LPCAT1: variants seen among roughly 807,000 people sequenced by gnomAD.
The protein encoded by LPCAT1 is lysophosphatidylcholine acyltransferase 1.
LPCAT1 carries 23 observed loss-of-function variants against 60.9 expected under a neutral mutation model. That is an observed-to-expected ratio of 0.38 (90% confidence interval 0.27 to 0.53). LPCAT1 has a LOEUF of 0.53. Ranked by LOEUF, LPCAT1 falls within the 20% of genes least tolerant of loss-of-function variation. The probability of loss-of-function intolerance (pLI) is 0.82; values close to 1 mark genes in which losing one functional copy is unlikely to be tolerated. For synonymous variants in LPCAT1, 340 were observed against 301.1 expected, an observed-to-expected ratio of 1.13 and a Z score of -1.34; for missense variants, 622 against 723.6, an observed-to-expected ratio of 0.86 and a Z score of 1.61.
chr5:1,466,888 C>A lies in LPCAT1; in HGVS notation c.1281G>T (p.Met427Ile), dbSNP rs766712143. Residue 427 changes from methionine (M) to isoleucine (I), a missense_variant and splice_region_variant, in exon 13 of 14, where the codon ATG (methionine) becomes ATT (isoleucine). Physicochemically the swap from Met to Ile is conservative, Grantham distance 10. Coordinates refer to ENST00000283415, the MANE Select transcript of LPCAT1 (RefSeq NM_024830.5). ...TLDTIQLAFK[M>I]YGAQEDGSVG... Reference sequence around the variant, plus strand: ...CGCTGCCGTCCTCTTGCGCTCCGTACATCTGCAAGGCAAACTGGGTGTCAC... The same window carrying A: ...CGCTGCCGTCCTCTTGCGCTCCGTAAATCTGCAAGGCAAACTGGGTGTCAC... 2.2e-5 allele frequency: 35 copies of A among 1,585,994 alleles called. No homozygotes were observed. Among genetic ancestry groups the A allele is most frequent in the Non-Finnish European group, 2.8e-5 (32 of 1,163,218 alleles).
chr5:1,501,426 C>T (rs371670880), intron 2 of LPCAT1, 35 bp downstream of exon 2: 5 of 1,580,202 alleles, frequency 3.2e-6, no homozygotes, highest in African/African-American at 1.3e-5. Context: ...CGTGACCCCC[C>T]CCCAGGAGGA....
chr5:1,475,955 G>C (rs1734897989), intron 9 of LPCAT1, among the ~76,000 whole-genome samples: 1 of 152,220 alleles, frequency 6.6e-6, no homozygotes, highest in African/African-American at 2.4e-5. Flanking sequence ...GGGTTTTGCT[G>C]ACGGTGGCAG....
chr5:1,471,012 A>ATTT, intron 11 of LPCAT1, 88 bp from the exon 12 acceptor site: 1 of 1,023,728 alleles, frequency 9.8e-7, no homozygotes, highest in Non-Finnish European at 1.5e-6. Flanking sequence ...GGTGTTAATT[A>ATTT]AAGGCCAGTC....
rs773388836 is a variant in LPCAT1 at position 1,483,274 on chromosome 5, C to T, written c.726+154G>A. ...CCCGGGCCTGTCCTGCCCTCTCCAG[C>T]GCTGAGGCCGGATGGACTCAGCATG... is the stretch of plus-strand genomic sequence containing the variant. On this transcript the variant is annotated intron_variant, in intron 6 of 13. Transcript: ENST00000283415. This position sits in a 1 kb window ranked among gnomAD's most constrained non-coding sequence, Gnocchi z 9.2. 2.0e-5 allele frequency among the ~76,000 whole-genome samples: 3 copies of T among 152,148 alleles called. No individual in the cohort carries two copies. Among genetic ancestry groups the T allele is most frequent in the South Asian group, 2.1e-4 (1 of 4,832 alleles).
In LPCAT1 at chr5:1,505,843, C is replaced by T. The variant is rs143738034; in HGVS notation, c.136-4240G>A. The stretch of plus-strand genomic sequence containing the variant: ...GCACGGGGAGGACTGTGTGAACAAG[C>T]GACCCTCTGCACCAGCTCCTTCCTC... On this transcript the variant is annotated intron_variant, in intron 1 of 13. Coordinates refer to ENST00000283415, the MANE Select transcript of LPCAT1 (RefSeq NM_024830.5). 5.3e-5 allele frequency among the ~76,000 whole-genome samples: 8 copies of T among 152,334 alleles called. No individual in the cohort carries two copies. The East Asian group carries it at 1.2e-3, about 22-fold the overall frequency.
rs559891820 is a variant in LPCAT1, at chr5:1,483,145, T to C, written c.726+283A>G. Among the ~76,000 whole-genome samples, 2 of 152,228 alleles carry C rather than the reference T, an allele frequency of 1.3e-5. No individual in the cohort carries two copies. The highest frequency in any genetic ancestry group is 2.1e-4 in the South Asian group (1 of 4,826). ...GAAAGGGCAGCTTTGTCAGGAGCTA[T>C]GGAAGCAGGGCTCTGGAACACTGGG... On this transcript the variant is annotated intron_variant, in intron 6 of 13. Transcript: ENST00000283415. The surrounding 1 kb of genome is among the most constrained non-coding windows in gnomAD (Gnocchi z 9.2).
At position 1,502,616 on chromosome 5, in the gene LPCAT1, C is replaced by T. The variant is rs1485277255; in HGVS notation, c.136-1013G>A. ...CAGGGTCTGAGGATGGAGGTCCCTC[C>T]GGGAGGCGGGCAGGACTCCGTGTAG... On this transcript the variant is annotated intron_variant, in intron 1 of 13. Transcript: ENST00000283415. The surrounding 1 kb of genome is among the most constrained non-coding windows in gnomAD (Gnocchi z 5.5). 1.3e-5 allele frequency among the ~76,000 whole-genome samples: 2 copies of T among 152,076 alleles called. No homozygotes were observed. Among genetic ancestry groups the T allele is most frequent in the Non-Finnish European group, 2.9e-5 (2 of 67,998 alleles).
chr5:1,494,855 T>A lies in LPCAT1; in HGVS notation c.338A>T (p.His113Leu), dbSNP rs747091378. The A allele has an allele frequency of 2.5e-6, 4 of 1,612,974 alleles. No homozygotes were observed. The highest frequency in any genetic ancestry group is 3.4e-6 in the Non-Finnish European group (4 of 1,179,592). The change falls in exon 3 of 14, where the codon CAC becomes CTC. Residue 113 changes from histidine (H) to leucine (L), a missense_variant. Transcript: ENST00000283415. ...MRTMWFAGGF[H>L]RVAVKGRQAL... ...CTGCCGCCCCTTCACGGCCACCCGG[T>A]GGAAGCCGCCGGCGAACCACATGGT...
intron 1 of LPCAT1, among the ~76,000 whole-genome samples, chr5:1,505,660 A>AC (rs1407396137): frequency 2.6e-5 from 4 of 151,810 alleles, no homozygotes; most frequent in African/African-American, 9.7e-5. Flanking sequence ...CGGCTCGCGC[A>AC]CCCCCACGCC....
rs945680558 is a variant in LPCAT1, at chr5:1,483,672, C to T, written c.668-186G>A. ...ACCGTAAACACCCAGCGCCACAGCACGGATGGGCAGGAACATCGGCCAGGG... is the reference window on the plus strand; with the variant it reads ...ACCGTAAACACCCAGCGCCACAGCATGGATGGGCAGGAACATCGGCCAGGG... On this transcript the variant is annotated intron_variant, in intron 5 of 13. Transcript: ENST00000283415. This position sits in a 1 kb window ranked among gnomAD's most constrained non-coding sequence, Gnocchi z 9.2. Among the ~76,000 whole-genome samples the T allele has an allele frequency of 3.7e-4, 56 of 152,238 alleles. No individual in the cohort carries two copies. Among genetic ancestry groups the T allele is most frequent in the Non-Finnish European group, 4.3e-4 (29 of 68,054 alleles).
intron 3 of LPCAT1, among the ~76,000 whole-genome samples, chr5:1,493,680 G>A (rs1228075197): frequency 6.6e-6 from 1 of 152,224 alleles, no homozygotes; most frequent in Non-Finnish European, 1.5e-5. Context: ...GAGCACCGAG[G>A]ACAGAGCTCT....
At chr5:1,464,478 C>T (rs1388524820) in intron 13 of LPCAT1, among the ~76,000 whole-genome samples, 3 of 151,426 alleles carry the variant, frequency 2.0e-5, no homozygotes, top group Admixed American at 6.6e-5. Flanking sequence ...CTGGTCGGTG[C>T]CCACTACAAA....
intron 12 of LPCAT1, among the ~76,000 whole-genome samples, chr5:1,468,717 C>T (rs909096489): frequency 2.0e-5 from 3 of 152,234 alleles, no homozygotes; most frequent in Non-Finnish European, 4.4e-5. Context: ...GGCCCCAAGG[C>T]GTATGAAGCA....
intron 5 of LPCAT1, among the ~76,000 whole-genome samples, chr5:1,484,710 C>T (rs1161780690): frequency 2.0e-5 from 3 of 152,230 alleles, no homozygotes; most frequent in Non-Finnish European, 2.9e-5. Flanking sequence ...GCTGAAACCT[C>T]GAGCTGACCG....
intron 1 of LPCAT1, among the ~76,000 whole-genome samples, chr5:1,507,144 C>T (rs1736211406): frequency 6.6e-6 from 1 of 152,148 alleles, no homozygotes; most frequent in Admixed American, 6.5e-5. Context: ...GGACCACGCT[C>T]CTGGTCACCA....
rs781201584 is a variant in LPCAT1 at position 1,501,614 on chromosome 5, AG to A, written c.136-12del. The A allele has an allele frequency of 1.2e-6, 2 of 1,613,234 alleles. No individual in the cohort carries two copies. Among genetic ancestry groups the A allele is most frequent in the East Asian group, 2.2e-5 (1 of 44,850 alleles). On this transcript the variant is annotated splice_polypyrimidine_tract_variant and intron_variant, in intron 1 of 13. Coordinates refer to ENST00000283415, the MANE Select transcript of LPCAT1 (RefSeq NM_024830.5). The stretch of plus-strand genomic sequence containing the variant: ...TGTCATGAGGGCCACCTGCAGACAG[AG>A]GGGGGCATTATCCAGAGAATCCATG...
At position 1,514,666 on chromosome 5, in the gene LPCAT1, T is replaced by C. The variant is rs188966073; in HGVS notation, c.135+9044A>G. Among the ~76,000 whole-genome samples the C allele has an allele frequency of 7.9e-3, 1,197 of 152,312 alleles. 18 individuals carry two copies. Among genetic ancestry groups the C allele is most frequent in the African/African-American group, 0.027 (1,132 of 41,570 alleles). On this transcript the variant is annotated intron_variant, in intron 1 of 13. Transcript: ENST00000283415. ...AGGTCTGCAGCAGCATTTCACTCTG[T>C]TGGTGTCCGAGGACCTCAGGGGCTG...
Position 1,477,627 on chromosome 5 carries a change from C to T in LPCAT1, c.817-141G>A, listed in dbSNP as rs868150712. ...ACCGTCTTCAAAGTTGTCATGTGCA[C>T]GTGTGTGTACGCACACACACACCCC... On this transcript the variant is annotated intron_variant, in intron 8 of 13. Transcript: ENST00000283415. This position sits in a 1 kb window ranked among gnomAD's most constrained non-coding sequence, Gnocchi z 6.0. 1.6e-4 allele frequency: 99 copies of T among 618,552 alleles called. No individual in the cohort carries two copies. Among genetic ancestry groups the T allele is most frequent in the Middle Eastern group, 7.9e-4 (3 of 3,800 alleles). 38.3% of individuals were successfully genotyped at this position (618,552 alleles called of 1,614,324 possible).
At chr5:1,501,429 C>G (rs763662511) in intron 2 of LPCAT1, 32 bp downstream of exon 2, 11 of 1,583,474 alleles carry the variant, frequency 6.9e-6, no homozygotes, top group Non-Finnish European at 9.4e-6. Flanking sequence ...GACCCCCCCC[C>G]AGGAGGAGAG....
Sources: gnomAD v4.1 joint callset for allele counts (sites outside exome capture counted in the v4.1 genomes callset) on GRCh38, gnomAD v4.1.1 for gene constraint, Gnocchi (gnomAD v3.1) non-coding constraint, MANE v1.5 for transcripts, NCBI Gene and HGNC (gene_info 2026-07-23, HGNC 2026-07-21) for gene names.